FOXN3: variants seen among roughly 807,000 people sequenced by gnomAD.
The protein encoded by FOXN3 is forkhead box protein N3.
A neutral mutation model predicts 38.4 loss-of-function variants in FOXN3; 7 were observed. That is an observed-to-expected ratio of 0.18 (90% CI 0.10 to 0.34). FOXN3 has a LOEUF of 0.34. Ranked by LOEUF, FOXN3 falls within the 10% of genes least tolerant of loss-of-function variation. The pLI is 1.00. For missense variants in FOXN3, 456 were observed against 613.4 expected, an observed-to-expected ratio of 0.74 and a Z score of 2.71; for synonymous variants, 230 against 242.2, an observed-to-expected ratio of 0.95 and a Z score of 0.47.
intron 3 of FOXN3, among the ~76,000 whole-genome samples, chr14:89,342,930 A>G (rs1266871918): frequency 3.9e-5 from 6 of 152,226 alleles, no homozygotes; most frequent in Non-Finnish European, 7.3e-5. Context: ...GCTTTCAAGT[A>G]AATATATTTG....
At chr14:89,372,706 G>A (rs1433816358) in intron 2 of FOXN3, among the ~76,000 whole-genome samples, 6 of 140,602 alleles carry the variant, frequency 4.3e-5, no homozygotes, top group Non-Finnish European at 7.9e-5. Context: ...AAAACTATGC[G>A]CTGTCTCATG....
At chr14:89,610,291 A>AG (rs1268410469) in intron 1 of FOXN3, among the ~76,000 whole-genome samples, 2 of 152,202 alleles carry the variant, frequency 1.3e-5, no homozygotes, top group African/African-American at 2.4e-5. Context: ...CTCTGGCTGA[A>AG]GGCTACTCTG....
In FOXN3 at chr14:89,484,264, C is replaced by G. The variant is rs1042572823; in HGVS notation, c.-14-71774G>C. 1.3e-5 allele frequency among the ~76,000 whole-genome samples: 2 copies of G among 152,184 alleles called. No homozygotes were observed. The highest frequency in any genetic ancestry group is 4.8e-5 in the African/African-American group (2 of 41,450). ...ACACATCAAATTTCGCAAACACTTA[C>G]GTCACACAACTGCCTAGGCCAGGAG... On this transcript the variant is annotated intron_variant, in intron 1 of 6. Coordinates refer to the FOXN3 transcript ENST00000345097. This position sits in a 1 kb window ranked among gnomAD's most constrained non-coding sequence, Gnocchi z 4.0.
intron 1 of FOXN3, among the ~76,000 whole-genome samples, chr14:89,554,431 C>A (rs1251577867): frequency 6.6e-6 from 1 of 152,138 alleles, no homozygotes; most frequent in South Asian, 2.1e-4. Flanking sequence ...CCACCACACA[C>A]GGCCTCTTTC....
intron 5 of FOXN3, among the ~76,000 whole-genome samples, chr14:89,169,910 C>T (rs143548021): frequency 1.5e-3 from 234 of 152,016 alleles, no homozygotes; most frequent in African/African-American, 4.9e-3. Flanking sequence ...AATAAAAATG[C>T]GCTAAAAATC....
chr14:89,318,448 C>A (rs1156508247), intron 3 of FOXN3, among the ~76,000 whole-genome samples: 2 of 152,178 alleles, frequency 1.3e-5, no homozygotes, highest in African/African-American at 4.8e-5. Context: ...TGTGAGCCAA[C>A]ACACCCGGCC....
intron 1 of FOXN3, among the ~76,000 whole-genome samples, chr14:89,595,082 C>T (rs889775610): frequency 1.5e-4 from 23 of 151,226 alleles, no homozygotes; most frequent in African/African-American, 3.4e-4. Flanking sequence ...TTTGGGAGGC[C>T]GAGGCGGGAG....
At chr14:89,351,551 TC>T (rs1476826131) in intron 2 of FOXN3, among the ~76,000 whole-genome samples, 5 of 152,192 alleles carry the variant, frequency 3.3e-5, no homozygotes, top group Non-Finnish European at 5.9e-5. Flanking sequence ...GAGGCCCACT[TC>T]CTGTGAAGCG....
chr14:89,197,595 T>C (rs1179391640), intron 4 of FOXN3, among the ~76,000 whole-genome samples: 1 of 152,056 alleles, frequency 6.6e-6, no homozygotes, highest in Non-Finnish European at 1.5e-5. Flanking sequence ...TCCAGAGTGC[T>C]GGATAGTTAG....
chr14:89,212,893 G>A (rs937381167), intron 4 of FOXN3, among the ~76,000 whole-genome samples: 3 of 152,098 alleles, frequency 2.0e-5, no homozygotes, highest in Non-Finnish European at 4.4e-5. Flanking sequence ...ACTTTCTGGA[G>A]CTCATTGTTG....
At chr14:89,406,455 G>C (rs1217867716) in intron 2 of FOXN3, among the ~76,000 whole-genome samples, 1 of 152,122 alleles carries the variant, frequency 6.6e-6, no homozygotes, top group Non-Finnish European at 1.5e-5. Context: ...AAGTTGGAAG[G>C]AATTAGGTTC....
At chr14:89,307,853 T>C (rs1887423409) in intron 3 of FOXN3, among the ~76,000 whole-genome samples, 4 of 152,222 alleles carry the variant, frequency 2.6e-5, no homozygotes, top group South Asian at 4.1e-4. Flanking sequence ...CAAATTTCAA[T>C]GTGTGCCCGA....
At position 89,157,660 on chromosome 14, in the gene FOXN3, C is replaced by A. The variant is rs12894522; in HGVS notation, c.*4754G>T. 6.6e-6 allele frequency: 1 copy of A among 152,658 alleles called. No individual in the cohort carries two copies. The highest frequency in any genetic ancestry group is 1.9e-4 in the East Asian group (1 of 5,186). The allele number at this position is 152,658 out of a possible 1,614,324, so 9.5% of individuals were successfully genotyped here. On this transcript the variant is annotated 3_prime_UTR_variant, in exon 6 of 6. Coordinates refer to ENST00000557258, the MANE Select transcript of FOXN3 (RefSeq NM_005197.4). ...GTAACTGTGTTAACTGCAATATAAA[C>A]CAAGTCCAGAGTTTGGCAGGTAACT...
intron 1 of FOXN3, among the ~76,000 whole-genome samples, chr14:89,437,197 A>C (rs1327435442): frequency 2.6e-5 from 4 of 152,154 alleles, no homozygotes; most frequent in Non-Finnish European, 5.9e-5. Context: ...AAAACAAAAA[A>C]AAACAGTATG....
At chr14:89,170,232 G>T (rs975153199) in intron 5 of FOXN3, among the ~76,000 whole-genome samples, 2 of 152,108 alleles carry the variant, frequency 1.3e-5, no homozygotes, top group Non-Finnish European at 2.9e-5. Context: ...AATTGAAAGA[G>T]GTACAAGAAG....
At chr14:89,553,508 C>T (rs979833559) in intron 1 of FOXN3, among the ~76,000 whole-genome samples, 7 of 150,898 alleles carry the variant, frequency 4.6e-5, no homozygotes, top group Non-Finnish European at 8.8e-5. Flanking sequence ...GTAAAAATGA[C>T]CAAATACTAA....
chr14:89,396,114 T>C (rs1396597436), intron 2 of FOXN3, among the ~76,000 whole-genome samples: 10 of 152,152 alleles, frequency 6.6e-5, no homozygotes, highest in Non-Finnish European at 5.9e-5. Flanking sequence ...GAGTAATCAA[T>C]GAAACAAAAA....
intron 4 of FOXN3, among the ~76,000 whole-genome samples, chr14:89,245,521 T>C (rs1885267688): frequency 6.6e-6 from 1 of 152,076 alleles, no homozygotes; most frequent in Non-Finnish European, 1.5e-5. Flanking sequence ...AGTTTTCTTT[T>C]CTTTAACTGG....
At chr14:89,367,871 G>A (rs1433207605) in intron 2 of FOXN3, among the ~76,000 whole-genome samples, 5 of 152,082 alleles carry the variant, frequency 3.3e-5, no homozygotes, top group Admixed American at 1.3e-4. Context: ...AGAGGCCTAT[G>A]GTAGAGAATT....
Sources: allele counts gnomAD v4.1 joint callset (sites outside exome capture counted in the v4.1 genomes callset), GRCh38; gene constraint gnomAD v4.1.1; non-coding constraint Gnocchi (gnomAD v3.1); transcripts MANE v1.5; gene names NCBI Gene and HGNC (gene_info 2026-07-23, HGNC 2026-07-21).